The following DNAH2 variants were observed in gnomAD, a reference collection of about 807,000 sequenced individuals.
The protein encoded by DNAH2 is dynein axonemal heavy chain 2.
In DNAH2, 323 loss-of-function variants were observed where a neutral mutation model predicts 523.5. The observed-to-expected ratio is 0.62, with a 90% CI of 0.56 to 0.68. The LOEUF is 0.68. DNAH2 is among the 30% of genes least tolerant of loss of function. The pLI is 0.00. For synonymous variants in DNAH2, 2,093 were observed against 2,177.4 expected (o/e 0.96, Z 1.08); for missense variants, 4,907 against 5,701.5 (o/e 0.86, Z 4.49).
Position 7,832,477 on chromosome 17 carries a change from C to G in DNAH2, c.12727-102C>G. 1 of 1,429,666 alleles carries G rather than the reference C, an allele frequency of 7.0e-7. No homozygotes were observed. The allele number at this position is 1,429,666 out of a possible 1,614,324, so 88.6% of individuals were successfully genotyped here. ...TGAGCCAAGATCGTACCACTGCACT[C>G]CAGCCTGGGGGACAAGAGCAAAACT... On this transcript the variant is annotated intron_variant, in intron 82 of 85. Coordinates refer to ENST00000572933, the MANE Select transcript of DNAH2 (RefSeq NM_020877.5). This position sits in a 1 kb window ranked among gnomAD's most constrained non-coding sequence, Gnocchi z 4.3.
chr17:7,805,574 G>T (rs1226670449), intron 61 of DNAH2, among the ~76,000 whole-genome samples, 181 bp downstream of exon 61: 1 of 152,168 alleles, frequency 6.6e-6, no homozygotes, highest in Non-Finnish European at 1.5e-5. Context: ...GTTGTGGGTC[G>T]AGTGTGGTGG....
intron 49 of DNAH2, 131 bp downstream of exon 49, chr17:7,794,489 G>A (rs2077010439): frequency 4.3e-6 from 3 of 705,282 alleles, no homozygotes; most frequent in Non-Finnish European, 6.7e-6. Context: ...ACGCTGGGAC[G>A]ATCCGTAAGG....
intron 24 of DNAH2, among the ~76,000 whole-genome samples, chr17:7,769,279 A>G (rs1000479813): frequency 3.3e-5 from 5 of 152,096 alleles, no homozygotes; most frequent in Admixed American, 6.6e-5. Context: ...CTTGTGCCTC[A>G]GCCTCCCAAG....
At chr17:7,736,339 G>A (rs1172289176) in intron 7 of DNAH2, among the ~76,000 whole-genome samples, 1 of 152,224 alleles carries the variant, frequency 6.6e-6, no homozygotes, top group Non-Finnish European at 1.5e-5. Context: ...CTAACTGGAG[G>A]AGCCTAAAGC....
In DNAH2 at chr17:7,796,669, C is replaced by G; in HGVS notation, c.7863+17C>G. ...ATCTCCAAGGTGACTCGCGGCCTGA[C>G]CTTGCCCCTTCTGCTTGGCCCAGCC... On this transcript the variant is annotated intron_variant, in intron 50 of 85. Coordinates refer to ENST00000572933, the MANE Select transcript of DNAH2 (RefSeq NM_020877.5). 1 of 1,602,838 alleles carries G rather than the reference C, an allele frequency of 6.2e-7. No individual in the cohort carries two copies. The highest frequency in any genetic ancestry group is 8.5e-7 in the Non-Finnish European group (1 of 1,174,604).
chr17:7,818,866 G>A, intron 70 of DNAH2, 53 bp from the exon 71 acceptor site: 1 of 1,606,820 alleles, frequency 6.2e-7, no homozygotes, highest in Non-Finnish European at 8.5e-7. Flanking sequence ...AGCATCCCAG[G>A]GAGCCTGGTC....
rs1194323180 is a variant in DNAH2, at chr17:7,718,234, G to T, written c.-580G>T. ...TGAACCCCACGGTGCATGCGCCTCA[G>T]GCTCTAGTTTGAGGCAGGAAAGCGC... On this transcript the variant is annotated 5_prime_UTR_variant, in exon 1 of 86. In the 5' UTR this introduces an upstream ATG that the reference lacks. Coordinates refer to ENST00000572933, the MANE Select transcript of DNAH2 (RefSeq NM_020877.5). The T allele has an allele frequency of 6.6e-6, 1 of 152,192 alleles. No individual in the cohort carries two copies. The highest frequency in any genetic ancestry group is 2.4e-5 in the African/African-American group (1 of 41,436). 9.4% of individuals were successfully genotyped at this position (152,192 alleles called of 1,614,324 possible).
rs948978159 is a variant in DNAH2 at position 7,798,978 on chromosome 17, A to G, written c.8560-125A>G. ...GGGTGGGGGGTGCTGAAGTGGGAGG[A>G]TGGTTTGAGGCCAGGAGTTCAAGTC... On this transcript the variant is annotated intron_variant, in intron 55 of 85. Coordinates refer to ENST00000572933, the MANE Select transcript of DNAH2 (RefSeq NM_020877.5). This position sits in a 1 kb window ranked among gnomAD's most constrained non-coding sequence, Gnocchi z 5.5. 8 of 1,357,462 alleles carry G rather than the reference A, an allele frequency of 5.9e-6. No individual in the cohort carries two copies. Among genetic ancestry groups the G allele is most frequent in the Non-Finnish European group, 8.0e-6 (8 of 1,001,572 alleles). The allele number at this position is 1,357,462 out of a possible 1,614,324, so 84.1% of individuals were successfully genotyped here.
chr17:7,767,959 T>G lies in DNAH2; in HGVS notation c.3735T>G (p.Asn1245Lys). The G allele has an allele frequency of 6.2e-7, 1 of 1,614,142 alleles. No individual in the cohort carries two copies. The highest frequency in any genetic ancestry group is 8.5e-7 in the Non-Finnish European group (1 of 1,180,030). Residue 1245 changes from asparagine to lysine, a missense_variant, in exon 23 of 86, where the codon AAT becomes AAG. Around this residue, in one of 3 missense-constraint regions of DNAH2, gnomAD observed 2,806 missense variants for 3,190.8 expected, o/e 0.88. Coordinates refer to ENST00000572933, the MANE Select transcript of DNAH2 (RefSeq NM_020877.5). The part of the protein sequence containing the change: ...EIARDWEENW[N>K]EWKTGRFLIL... ...CACGAGACTGGGAGGAGAACTGGAA[T>G]GAGTGGAAGACTGGCCGGTTCCTGA...
At chr17:7,822,348 C>G (rs575711335) in intron 73 of DNAH2, among the ~76,000 whole-genome samples, 1 of 152,324 alleles carries the variant, frequency 6.6e-6, no homozygotes, top group East Asian at 1.9e-4. Flanking sequence ...ACAGCCCCCA[C>G]TCCACTCCAG....
Position 7,742,911 on chromosome 17 carries a change from GTTC to G in DNAH2, c.1690-10_1690-8del, listed in dbSNP as rs757026020. The G allele has an allele frequency of 8.3e-6, 12 of 1,444,274 alleles. No individual in the cohort carries two copies. The Admixed American group carries it at 1.1e-4, about 13-fold the overall frequency. 89.5% of individuals were successfully genotyped at this position (1,444,274 alleles called of 1,614,324 possible). On this transcript the variant is annotated splice_polypyrimidine_tract_variant and intron_variant, in intron 11 of 85. Coordinates refer to ENST00000572933, the MANE Select transcript of DNAH2 (RefSeq NM_020877.5). Reference sequence around the variant, plus strand: ...GGTGGCAGGCCGACTCCACCCACCTGTTCTTCTTCCCCTCAGTGCCTTGCTGGT... The same window carrying G: ...GGTGGCAGGCCGACTCCACCCACCTGTTCTTCCCCTCAGTGCCTTGCTGGT...
chr17:7,808,381 A>G (rs1302030639), intron 63 of DNAH2, among the ~76,000 whole-genome samples: 2 of 152,006 alleles, frequency 1.3e-5, no homozygotes, highest in African/African-American at 4.8e-5. Flanking sequence ...AAAAAAAAAA[A>G]AAAAGATGCA....
At position 7,832,285 on chromosome 17, in the gene DNAH2, A is replaced by T. The variant is rs756784791; in HGVS notation, c.12727-294A>T. 5.9e-5 allele frequency among the ~76,000 whole-genome samples: 9 copies of T among 152,134 alleles called. No individual in the cohort carries two copies. Among genetic ancestry groups the T allele is most frequent in the Non-Finnish European group, 1.3e-4 (9 of 68,020 alleles). ...CACTTTGGGAGGCTGAGGCGGGCAG[A>T]TCACCTGAGTTTAGGAGTTTGAGAC... is the stretch of plus-strand genomic sequence containing the variant. On this transcript the variant is annotated intron_variant, in intron 82 of 85. Transcript: ENST00000572933. This position sits in a 1 kb window ranked among gnomAD's most constrained non-coding sequence, Gnocchi z 4.3.
chr17:7,759,437 A>G lies in DNAH2; in HGVS notation c.2464A>G (p.Met822Val). 6.2e-7 allele frequency: 1 copy of G among 1,612,682 alleles called. No individual in the cohort carries two copies. Among genetic ancestry groups the G allele is most frequent in the Non-Finnish European group, 8.5e-7 (1 of 1,179,202 alleles). The change falls in exon 16 of 86, where the codon ATG becomes GTG. Residue 822 changes from methionine (M) to valine (V), a missense_variant. This residue lies in a region of DNAH2 where 2,806 missense variants were observed against 3,190.8 expected (regional missense o/e 0.88). Coordinates refer to ENST00000572933, the MANE Select transcript of DNAH2 (RefSeq NM_020877.5). ...NDGPEIQQQWMLYMIRLDRMM... is the reference protein window; with the variant it reads ...NDGPEIQQQWVLYMIRLDRMM... ...ATCCCATCAGATTCAGCAGCAGTGG[A>G]TGCTGTACATGATTCGGCTGGACCG...
chr17:7,798,318 C>T lies in DNAH2; in HGVS notation c.8392C>T (p.Arg2798Ter), dbSNP rs748928274. 8.1e-6 allele frequency: 13 copies of T among 1,608,982 alleles called. No individual in the cohort carries two copies. Among genetic ancestry groups the T allele is most frequent in the African/African-American group, 2.7e-5 (2 of 74,846 alleles). The change falls in exon 54 of 86, where the codon CGA becomes TGA. Residue 2798 changes from arginine (R) to a stop codon, truncating the protein, a stop_gained. Coordinates refer to ENST00000572933, the MANE Select transcript of DNAH2 (RefSeq NM_020877.5). LOFTEE classifies it high-confidence loss of function. This position sits in a 1 kb window ranked among gnomAD's most constrained non-coding sequence, Gnocchi z 5.5. The part of the protein sequence containing the change: ...VTKHYRKQEF[R>*]DDIKRLYRQA... ...CAAACATTATCGGAAGCAGGAGTTC[C>T]GAGATGGTACGGCTGGGTTTCTGAA...
chr17:7,737,848 C>G, intron 8 of DNAH2: 1 of 649,520 alleles, frequency 1.5e-6, no homozygotes, highest in South Asian at 1.7e-5. Flanking sequence ...GGATGAGTTT[C>G]AGGAGTCAAA....
intron 8 of DNAH2, 142 bp downstream of exon 8, chr17:7,737,400 G>C: frequency 1.1e-6 from 1 of 905,672 alleles, no homozygotes; most frequent in South Asian, 1.7e-5. Context: ...AGCTCAGAAG[G>C]CTTCTACCGG....
At chr17:7,762,479 G>A (rs944864710) in intron 18 of DNAH2, among the ~76,000 whole-genome samples, 3 of 151,992 alleles carry the variant, frequency 2.0e-5, no homozygotes, top group African/African-American at 4.8e-5. Flanking sequence ...GGGACTACGG[G>A]TGCCCGCCAC....
chr17:7,813,818 G>T (rs1463257145), intron 63 of DNAH2, among the ~76,000 whole-genome samples: 1 of 151,438 alleles, frequency 6.6e-6, no homozygotes, highest in Non-Finnish European at 1.5e-5. Context: ...TGAGGCAGGA[G>T]AATCGCTTGA....
Sources: allele counts gnomAD v4.1 joint callset (sites outside exome capture counted in the v4.1 genomes callset), GRCh38; gene constraint gnomAD v4.1.1; regional missense constraint gnomAD v4.1.1; non-coding constraint Gnocchi (gnomAD v3.1); transcripts MANE v1.5; gene names NCBI Gene and HGNC (gene_info 2026-07-23, HGNC 2026-07-21).